Variants in RORA observed in about 807,000 individuals in gnomAD.
RORA encodes the protein RAR related orphan receptor A.
RORA carries 7 observed loss-of-function variants against 69.5 expected under a neutral mutation model. The ratio of observed to expected loss-of-function variants is 0.10; its 90% CI spans 0.06 to 0.19. RORA has a LOEUF of 0.19. RORA is among the 10% of genes least tolerant of loss of function. RORA has a pLI of 1.00. For synonymous variants in RORA, 261 were observed against 240.8 expected, an observed-to-expected ratio of 1.08 and a Z score of -0.78; for missense variants, 457 against 663.0, an observed-to-expected ratio of 0.69 and a Z score of 3.41.
In RORA at chr15:60,905,756, G is replaced by T. The variant is rs1236966431; in HGVS notation, c.167-227070C>A. Among the ~76,000 whole-genome samples, 1 of 152,190 alleles carries T rather than the reference G, an allele frequency of 6.6e-6. No homozygotes were observed. Among genetic ancestry groups the T allele is most frequent in the African/African-American group, 2.4e-5 (1 of 41,436 alleles). ...CAAGTAGGGTCACCTGTGCTGAGCA[G>T]GTTAGAGCCGGCCTGGTTCTTGGGG... On this transcript the variant is annotated intron_variant, in intron 1 of 10. Coordinates refer to ENST00000335670, the MANE Select transcript of RORA (RefSeq NM_134261.3). This position sits in a 1 kb window ranked among gnomAD's most constrained non-coding sequence, Gnocchi z 4.8.
chr15:60,743,542 T>C (rs564513661), intron 1 of RORA, among the ~76,000 whole-genome samples: 1 of 152,208 alleles, frequency 6.6e-6, no homozygotes, highest in Non-Finnish European at 1.5e-5. Context: ...ATGAGTGAGC[T>C]TCAATCCCAT....
At chr15:61,100,270 C>A (rs2078860214) in intron 1 of RORA, among the ~76,000 whole-genome samples, 1 of 151,978 alleles carries the variant, frequency 6.6e-6, no homozygotes, top group South Asian at 2.1e-4. Context: ...AGGCACGTGT[C>A]ACCAGGTCCA....
At chr15:60,677,179 G>A in intron 2 of RORA, 1 of 456,074 alleles carries the variant, frequency 2.2e-6, no homozygotes, top group Non-Finnish European at 4.4e-6. Flanking sequence ...CTCCGGGCCA[G>A]GGACGAGCTC....
At chr15:61,091,285 A>T (rs1328180596) in intron 1 of RORA, among the ~76,000 whole-genome samples, 1 of 152,190 alleles carries the variant, frequency 6.6e-6, no homozygotes. Context: ...TGAACTGAAC[A>T]AGCTGAAATC....
intron 1 of RORA, among the ~76,000 whole-genome samples, chr15:60,703,282 C>A (rs780704416): frequency 1.3e-5 from 2 of 152,118 alleles, no homozygotes; most frequent in Non-Finnish European, 2.9e-5. Context: ...AAGGGCTTTA[C>A]CCTCAACGCC....
At chr15:61,110,857 A>C (rs1263497624) in intron 1 of RORA, among the ~76,000 whole-genome samples, 1 of 152,194 alleles carries the variant, frequency 6.6e-6, no homozygotes, top group Non-Finnish European at 1.5e-5. Flanking sequence ...CGCAATCCTC[A>C]TACACCGCAC....
chr15:60,717,796 C>CTTTTTTTTTTTTTTTTTTTTTTTTTTCTT (rs10653856), intron 1 of RORA, among the ~76,000 whole-genome samples: 3 of 91,974 alleles, frequency 3.3e-5, no homozygotes, highest in Non-Finnish European at 6.1e-5. Flanking sequence ...TTCTTTTTCT[C>CTTTTTTTTTTTTTTTTTTTTTTTTTTCTT]TTTTTTTTTT....
At position 61,028,490 on chromosome 15, in the gene RORA, C is replaced by G. The variant is rs76124112; in HGVS notation, c.166+200563G>C. On this transcript the variant is annotated intron_variant, in intron 1 of 10. Coordinates refer to ENST00000335670, the MANE Select transcript of RORA (RefSeq NM_134261.3). ...GGCCCTTTGTTAGGTGTTAGAATAT[C>G]ATGGTGAGTCAAAGCAGATACAGTA... is the stretch of plus-strand genomic sequence containing the variant. Among the ~76,000 whole-genome samples, 10 of 152,278 alleles carry G rather than the reference C, an allele frequency of 6.6e-5. No homozygotes were observed. The East Asian group carries it at 1.7e-3, about 26-fold the overall frequency.
chr15:60,600,999 A>C (rs1232472823), intron 2 of RORA: 3 of 152,218 alleles, frequency 2.0e-5, no homozygotes, highest in African/African-American at 7.2e-5. Context: ...AGAGAAATTA[A>C]GTGACTTGTC....
intron 1 of RORA, among the ~76,000 whole-genome samples, chr15:61,086,642 G>C (rs1448564414): frequency 6.6e-6 from 1 of 151,832 alleles, no homozygotes; most frequent in African/African-American, 2.4e-5. Flanking sequence ...TTGCCAAATG[G>C]AATGGGAGCC....
chr15:61,108,101 T>C (rs2078968849), intron 1 of RORA, among the ~76,000 whole-genome samples: 1 of 152,160 alleles, frequency 6.6e-6, no homozygotes, highest in African/African-American at 2.4e-5. Flanking sequence ...CCAATACAAA[T>C]GTCCATGGGA....
intron 1 of RORA, among the ~76,000 whole-genome samples, chr15:60,880,810 T>C (rs4774374): frequency 0.51 from 77,291 of 152,032 alleles, 20,863 homozygotes; most frequent in Non-Finnish European, 0.59. Flanking sequence ...CACAAAGAAA[T>C]TAAATTTAAT....
chr15:61,100,859 C>G (rs775351890), intron 1 of RORA, among the ~76,000 whole-genome samples: 11 of 152,158 alleles, frequency 7.2e-5, no homozygotes, highest in Non-Finnish European at 1.6e-4. Flanking sequence ...TTGATTCTTA[C>G]CAGCTTTAAT....
intron 1 of RORA, among the ~76,000 whole-genome samples, chr15:60,750,547 C>A (rs769338375): frequency 6.6e-6 from 1 of 152,152 alleles, no homozygotes; most frequent in Non-Finnish European, 1.5e-5. Context: ...CCTCAGTGAG[C>A]GTTCTGTCCA....
chr15:60,544,909 T>G (rs2140368201), intron 2 of RORA: 1 of 152,332 alleles, frequency 6.6e-6, no homozygotes, highest in South Asian at 2.1e-4. Context: ...CAAGGCCAAG[T>G]CAAGGACCAT....
intron 1 of RORA, among the ~76,000 whole-genome samples, chr15:60,775,842 C>T (rs2072158097): frequency 6.6e-6 from 1 of 152,196 alleles, no homozygotes; most frequent in Non-Finnish European, 1.5e-5. Context: ...GAAGAATTGT[C>T]TTGTGAAGCA....
At chr15:61,171,734 A>G (rs1037828892) in intron 1 of RORA, among the ~76,000 whole-genome samples, 2 of 152,198 alleles carry the variant, frequency 1.3e-5, no homozygotes, top group Non-Finnish European at 2.9e-5. Context: ...TACTGGCTAC[A>G]TCTTTAGCAG....
chr15:60,803,663 A>C (rs568018545), intron 1 of RORA, among the ~76,000 whole-genome samples: 41 of 152,256 alleles, frequency 2.7e-4, no homozygotes, highest in Middle Eastern at 3.4e-3. Context: ...CAGTTTCCCT[A>C]GCAGTAAAAG....
chr15:61,118,980 G>C (rs1406016688), intron 1 of RORA, among the ~76,000 whole-genome samples: 1 of 149,420 alleles, frequency 6.7e-6, no homozygotes, highest in African/African-American at 2.5e-5. Flanking sequence ...GAAACAAAAA[G>C]AAAATAAAAA....
Sources: allele counts gnomAD v4.1 joint callset (sites outside exome capture counted in the v4.1 genomes callset), GRCh38; gene constraint gnomAD v4.1.1; non-coding constraint Gnocchi (gnomAD v3.1); transcripts MANE v1.5; gene names NCBI Gene and HGNC (gene_info 2026-07-23, HGNC 2026-07-21).